The following CSMD1 variants were observed in gnomAD, a reference collection of about 807,000 sequenced individuals.
CSMD1 encodes CUB and Sushi multiple domains 1.
In CSMD1, 213 loss-of-function variants were observed where a neutral mutation model predicts 417.5. The ratio of observed to expected loss-of-function variants is 0.51; its 90% CI spans 0.46 to 0.57. The LOEUF (loss-of-function observed/expected upper bound fraction) is 0.57, where lower values mean the gene tolerates loss of function less well. Among genes scored for constraint, CSMD1 ranks in the 20% least tolerant of loss-of-function variants. CSMD1 has a pLI of 0.00. For missense variants in CSMD1, 6,923 were observed against 4,529.7 expected (o/e 1.53, Z -15.17); for synonymous variants, 2,862 against 1,736.8 (o/e 1.65, Z -16.11).
At chr8:3,313,965 T>G (rs1805558205) in intron 23 of CSMD1, among the ~76,000 whole-genome samples, 2 of 152,180 alleles carry the variant, frequency 1.3e-5, no homozygotes, top group African/African-American at 4.8e-5. Context: ...TTCATGTCCT[T>G]TGTAGGGACA....
chr8:3,981,527 A>T (rs74749908), intron 5 of CSMD1, among the ~76,000 whole-genome samples: 35,074 of 131,112 alleles, frequency 0.27, 4,346 homozygotes, highest in East Asian at 0.44. Context: ...AAAAAAAAAG[A>T]ACATACAATT....
chr8:3,865,436 G>A (rs1443401030), intron 5 of CSMD1, among the ~76,000 whole-genome samples: 7 of 152,120 alleles, frequency 4.6e-5, no homozygotes, highest in Non-Finnish European at 8.8e-5. Flanking sequence ...GACTGTGAGG[G>A]CTCAGAGGCA....
At chr8:4,768,615 C>T (rs1414261417) in intron 1 of CSMD1, among the ~76,000 whole-genome samples, 1 of 152,110 alleles carries the variant, frequency 6.6e-6, no homozygotes, top group Non-Finnish European at 1.5e-5. Context: ...TTTACCTGGT[C>T]TTCTCTGCGT....
intron 4 of CSMD1, among the ~76,000 whole-genome samples, chr8:4,007,207 T>G (rs1180019030): frequency 6.6e-6 from 1 of 152,124 alleles, no homozygotes; most frequent in South Asian, 2.1e-4. Flanking sequence ...CTTCTATATA[T>G]TTTCTATTCA....
chr8:3,280,892 G>C (rs1458921337), intron 26 of CSMD1, among the ~76,000 whole-genome samples: 5 of 152,080 alleles, frequency 3.3e-5, no homozygotes, highest in Admixed American at 2.6e-4. Context: ...TCTCTGAAGA[G>C]AGAATCATGA....
At chr8:4,109,565 A>C (rs762754246) in intron 3 of CSMD1, among the ~76,000 whole-genome samples, 15 of 152,194 alleles carry the variant, frequency 9.9e-5, no homozygotes, top group Admixed American at 6.5e-5. Flanking sequence ...ATCATTTCCC[A>C]GTCAATGTCT....
rs1815690084 is a variant in CSMD1 at position 3,451,198 on chromosome 8, G to T, written c.1561+17514C>A. Among the ~76,000 whole-genome samples the T allele has an allele frequency of 2.6e-5, 4 of 152,258 alleles. 1 individual carries two copies. Among genetic ancestry groups the T allele is most frequent in the Non-Finnish European group, 1.5e-5 (1 of 68,018 alleles). ...TCTTGTAAATTTGTTTGAGTTCATTGTAGATTCTGGATATTAGCCCTTTGT... is the reference window on the plus strand; with the variant it reads ...TCTTGTAAATTTGTTTGAGTTCATTTTAGATTCTGGATATTAGCCCTTTGT... On this transcript the variant is annotated intron_variant, in intron 12 of 69. Coordinates refer to ENST00000635120, the MANE Select transcript of CSMD1 (RefSeq NM_033225.6).
chr8:3,669,199 C>A (rs1183211309), intron 7 of CSMD1, among the ~76,000 whole-genome samples: 1 of 152,170 alleles, frequency 6.6e-6, no homozygotes, highest in East Asian at 1.9e-4. Flanking sequence ...AATTGAAAGG[C>A]TAGGAGCATA....
At chr8:3,147,622 C>T (rs920018915) in intron 40 of CSMD1, among the ~76,000 whole-genome samples, 1 of 152,202 alleles carries the variant, frequency 6.6e-6, no homozygotes, top group Non-Finnish European at 1.5e-5. Context: ...AAAATTTGAG[C>T]ACCCTGGGGG....
At chr8:3,496,871 T>G (rs530063698) in intron 10 of CSMD1, among the ~76,000 whole-genome samples, 1 of 152,216 alleles carries the variant, frequency 6.6e-6, no homozygotes, top group African/African-American at 2.4e-5. Context: ...AATTTCTTTA[T>G]AGACCCATTG....
At chr8:4,069,580 T>TAAG in intron 3 of CSMD1, among the ~76,000 whole-genome samples, 1 of 152,192 alleles carries the variant, frequency 6.6e-6, no homozygotes, top group Admixed American at 6.5e-5. Context: ...CATGCAGATG[T>TAAG]ATCTTGGGCC....
In CSMD1 at chr8:4,055,175, C is replaced by A. The variant is rs146929008; in HGVS notation, c.416-23076G>T. On this transcript the variant is annotated intron_variant, in intron 3 of 69. Transcript: ENST00000635120. The stretch of plus-strand genomic sequence containing the variant: ...CTGTTTGAAATATGAATTTCTCATA[C>A]GCAGTCAAGTTAAAACTTCAATTTT... Among the ~76,000 whole-genome samples the A allele has an allele frequency of 3.3e-5, 5 of 152,216 alleles. No homozygotes were observed. The East Asian group carries it at 9.7e-4, about 29-fold the overall frequency.
At position 4,556,315 on chromosome 8, in the gene CSMD1, T is replaced by G. The variant is rs114372268; in HGVS notation, c.302+81027A>C. 3.4e-3 allele frequency among the ~76,000 whole-genome samples: 518 copies of G among 152,318 alleles called. 2 individuals are homozygous for G. The highest frequency in any genetic ancestry group is 0.012 in the African/African-American group (507 of 41,572). On this transcript the variant is annotated intron_variant, in intron 2 of 69. Coordinates refer to ENST00000635120, the MANE Select transcript of CSMD1 (RefSeq NM_033225.6). ...TTCATAAATTTTAATTGTAAAATAG[T>G]ATAGAATACCTATTTTAAATAATGT...
chr8:3,540,954 T>C (rs570474461), intron 10 of CSMD1, among the ~76,000 whole-genome samples: 1 of 152,324 alleles, frequency 6.6e-6, no homozygotes, highest in African/African-American at 2.4e-5. Context: ...GTTCAACCAT[T>C]GTGGAGGACA....
chr8:3,551,567 C>T (rs866503890), intron 10 of CSMD1, among the ~76,000 whole-genome samples: 3 of 133,364 alleles, frequency 2.2e-5, no homozygotes, highest in Middle Eastern at 8.9e-3. Context: ...GAATTGTCTT[C>T]TAATAAATAT....
At chr8:3,522,127 T>C (rs1023441148) in intron 10 of CSMD1, among the ~76,000 whole-genome samples, 1 of 152,240 alleles carries the variant, frequency 6.6e-6, no homozygotes, top group East Asian at 1.9e-4. Flanking sequence ...TCTGTATTCT[T>C]TAAACTACCA....
chr8:3,351,489 T>C (rs907131929), intron 21 of CSMD1, among the ~76,000 whole-genome samples: 6 of 151,544 alleles, frequency 4.0e-5, no homozygotes, highest in African/African-American at 1.2e-4. Context: ...CACATGCCTG[T>C]AATCCCAGCT....
chr8:4,768,521 C>T (rs760835187), intron 1 of CSMD1, among the ~76,000 whole-genome samples: 1 of 152,194 alleles, frequency 6.6e-6, no homozygotes, highest in Non-Finnish European at 1.5e-5. Context: ...TGGGATGAAA[C>T]TCTGTGGTAA....
chr8:3,855,904 A>G (rs1337358263), intron 5 of CSMD1, among the ~76,000 whole-genome samples: 1 of 152,180 alleles, frequency 6.6e-6, no homozygotes, highest in Non-Finnish European at 1.5e-5. Flanking sequence ...TTATACTTGC[A>G]TTGCCAAATC....
Sources: gnomAD v4.1 joint callset for allele counts (sites outside exome capture counted in the v4.1 genomes callset) on GRCh38, gnomAD v4.1.1 for gene constraint, MANE v1.5 for transcripts, NCBI Gene and HGNC (gene_info 2026-07-23, HGNC 2026-07-21) for gene names.